The following PRR33 variants were observed in gnomAD, a reference collection of about 807,000 sequenced individuals.
The protein encoded by PRR33 is proline-rich protein 33.
In PRR33, 1 loss-of-function variant was observed where a neutral mutation model predicts 0.5. That is an observed-to-expected ratio of 2.18 (90% CI 0.77 to 10.34). The LOEUF (loss-of-function observed/expected upper bound fraction) is 10.34. Among genes scored for constraint, PRR33 ranks in the 30% most tolerant of loss-of-function variants. The probability of loss-of-function intolerance (pLI) is 0.13; values close to 1 mark genes in which losing one functional copy is unlikely to be tolerated. For missense variants in PRR33, 552 were observed against 251.8 expected (o/e 2.19, Z -8.07); for synonymous variants, 226 against 110.0 (o/e 2.06, Z -6.60).
At chr11:1,907,473 G>A in the PRR33 span, among the ~76,000 whole-genome samples, 4 of 152,170 alleles carry the variant, frequency 2.6e-5, no homozygotes, top group South Asian at 6.2e-4. Context: ...GTGCAGTGGC[G>A]CAATCTTGGC....
chr11:1,892,584 C>T (rs556142990), upstream of PRR33, among the ~76,000 whole-genome samples: 82 of 152,200 alleles, frequency 5.4e-4, no homozygotes, highest in African/African-American at 1.8e-3. Flanking sequence ...ACCTCGGGGC[C>T]TCCCCCAACA....
chr11:1,894,928 C>A (rs984476085), upstream of PRR33, among the ~76,000 whole-genome samples: 3 of 152,172 alleles, frequency 2.0e-5, no homozygotes, highest in Non-Finnish European at 4.4e-5. Context: ...TGGTTCATCT[C>A]GCTGACTTTG....
chr11:1,894,224 A>AGTGTGTGTGTGTGT (rs71025790), upstream of PRR33, among the ~76,000 whole-genome samples: 12 of 127,736 alleles, frequency 9.4e-5, no homozygotes, highest in Non-Finnish European at 1.1e-4. Flanking sequence ...GGAGTGTGGG[A>AGTGTGTGTGTGTGT]GTGTGTGTGT....
chr11:1,903,294 G>A, the PRR33 span: 1 of 138,136 alleles, frequency 7.2e-6, no homozygotes, highest in Non-Finnish European at 1.6e-5. Flanking sequence ...TTTTTTTTCC[G>A]TAGAGATAGT....
At chr11:1,915,310 G>A in the PRR33 span, among the ~76,000 whole-genome samples, 1 of 151,246 alleles carries the variant, frequency 6.6e-6, no homozygotes, top group African/African-American at 2.4e-5. Flanking sequence ...TGTGTGTTGT[G>A]GGATAGGACA....
chr11:1,914,145 C>T, the PRR33 span, among the ~76,000 whole-genome samples: 2 of 152,278 alleles, frequency 1.3e-5, no homozygotes, highest in African/African-American at 4.8e-5. Flanking sequence ...CTGAGACTCC[C>T]ATGTGCAGGC....
At chr11:1,913,819 G>A in the PRR33 span, among the ~76,000 whole-genome samples, 11 of 152,180 alleles carry the variant, frequency 7.2e-5, no homozygotes, top group African/African-American at 2.7e-4. Context: ...GCCTCACCCC[G>A]CGCTCTGCGG....
At chr11:1,916,235 AAGTCCCTTCGAGGAGC>A in the PRR33 span, among the ~76,000 whole-genome samples, 7 of 152,040 alleles carry the variant, frequency 4.6e-5, no homozygotes, top group African/African-American at 1.5e-4. Context: ...AGCGTCTGGG[AAGTCCCTTCGAGGAGC>A]AGCACCCCAG....
chr11:1,907,052 C>T, the PRR33 span, among the ~76,000 whole-genome samples: 3 of 152,338 alleles, frequency 2.0e-5, no homozygotes, highest in East Asian at 3.9e-4. Flanking sequence ...ATTCCCAGCC[C>T]GGGAAGCACT....
At chr11:1,914,110 A>G in the PRR33 span, among the ~76,000 whole-genome samples, 2 of 152,266 alleles carry the variant, frequency 1.3e-5, no homozygotes, top group Admixed American at 6.5e-5. Flanking sequence ...TACCCAATGA[A>G]CACGCCTGGT....
At chr11:1,915,950 G>A in the PRR33 span, among the ~76,000 whole-genome samples, 31 of 151,214 alleles carry the variant, frequency 2.1e-4, no homozygotes, top group African/African-American at 6.6e-4. Context: ...GATGGATGGC[G>A]GGAGGGATAG....
the PRR33 span, among the ~76,000 whole-genome samples, chr11:1,901,526 T>C: frequency 2.0e-5 from 3 of 152,350 alleles, no homozygotes; most frequent in East Asian, 5.8e-4. Context: ...ATAGTTTTCT[T>C]TTCCCCCTTT....
chr11:1,915,701 T>G, the PRR33 span, among the ~76,000 whole-genome samples: 1 of 102 alleles, frequency 9.8e-3, no homozygotes, highest in Non-Finnish European at 0.014. Context: ...GTGTGTGTGT[T>G]GTGGGGAGGT....
chr11:1,900,429 A>G, the PRR33 span, among the ~76,000 whole-genome samples: 1 of 152,196 alleles, frequency 6.6e-6, no homozygotes, highest in Non-Finnish European at 1.5e-5. Context: ...TCTTTCCATT[A>G]GAGTTCCGGG....
the PRR33 span, among the ~76,000 whole-genome samples, chr11:1,915,447 C>T: frequency 5.9e-4 from 74 of 124,668 alleles, 1 homozygote; most frequent in African/African-American, 2.0e-3. Context: ...GATGTTTCTG[C>T]GTGTGTGTGT....
chr11:1,917,336 A>G, the PRR33 span, among the ~76,000 whole-genome samples: 1 of 152,186 alleles, frequency 6.6e-6, no homozygotes, highest in Non-Finnish European at 1.5e-5. Flanking sequence ...CCACCCAGGC[A>G]GGGAGCTGCA....
rs1280550020 is a variant in PRR33 at position 1,891,762 on chromosome 11, C to G, written c.-1178G>C. 6.6e-6 allele frequency: 1 copy of G among 152,606 alleles called. No homozygotes were observed. Among genetic ancestry groups the G allele is most frequent in the Non-Finnish European group, 1.5e-5 (1 of 68,264 alleles). 9.5% of individuals were successfully genotyped at this position (152,606 alleles called of 1,614,324 possible). On this transcript the variant is annotated 5_prime_UTR_variant, in exon 1 of 1. The change abolishes the stop of an existing upstream ORF in the 5' untranslated region. Transcript: ENST00000640310. Reference sequence around the variant, plus strand: ...GCCTAATGCCCCCTGCACCCCATGCCTATGTTCCAGCTTCCTGGGTCTGCA... The same window carrying G: ...GCCTAATGCCCCCTGCACCCCATGCGTATGTTCCAGCTTCCTGGGTCTGCA...
chr11:1,909,395 G>A, the PRR33 span, among the ~76,000 whole-genome samples: 1 of 151,950 alleles, frequency 6.6e-6, no homozygotes, highest in African/African-American at 2.4e-5. Context: ...GGCGGATCAC[G>A]AGGTCAGGAG....
chr11:1,899,874 A>G, the PRR33 span, among the ~76,000 whole-genome samples: 1 of 152,122 alleles, frequency 6.6e-6, no homozygotes, highest in African/African-American at 2.4e-5. Flanking sequence ...TGAAAATGAC[A>G]ATTGAAGGAA....
Sources: allele counts gnomAD v4.1 joint callset (sites outside exome capture counted in the v4.1 genomes callset), GRCh38; gene constraint gnomAD v4.1.1; transcripts MANE v1.5; gene names NCBI Gene and HGNC (gene_info 2026-07-23, HGNC 2026-07-21).